The following DAB1 variants were observed in gnomAD, a reference collection of about 807,000 sequenced individuals.
DAB1 encodes the protein disabled homolog 1.
DAB1 carries 15 observed loss-of-function variants against 64.6 expected under a neutral mutation model. The observed-to-expected ratio is 0.23, with a 90% confidence interval of 0.16 to 0.36. The LOEUF (loss-of-function observed/expected upper bound fraction) is 0.36, where lower values mean the gene tolerates loss of function less well. Ranked by LOEUF, DAB1 falls within the 10% of genes least tolerant of loss-of-function variation. The probability of loss-of-function intolerance (pLI) is 1.00; values close to 1 mark genes in which losing one functional copy is unlikely to be tolerated. For synonymous variants in DAB1, 235 were observed against 251.9 expected, an observed-to-expected ratio of 0.93 and a Z score of 0.64; for missense variants, 596 against 706.7, an observed-to-expected ratio of 0.84 and a Z score of 1.78.
intron 1 of DAB1, among the ~76,000 whole-genome samples, chr1:57,383,034 TA>T (rs1558279500): frequency 6.6e-6 from 1 of 151,854 alleles, no homozygotes; most frequent in Non-Finnish European, 1.5e-5. Flanking sequence ...GTATGAGTCC[TA>T]TGAAAAAAAT....
chr1:57,364,779 G>A (rs923086097), intron 1 of DAB1, among the ~76,000 whole-genome samples: 97 of 151,010 alleles, frequency 6.4e-4, no homozygotes, highest in African/African-American at 2.2e-3. Context: ...AAGTTACAAT[G>A]TGATTCCACT....
intron 4 of DAB1, among the ~76,000 whole-genome samples, chr1:58,220,469 T>C (rs1659099833): frequency 6.6e-6 from 1 of 152,148 alleles, no homozygotes; most frequent in African/African-American, 2.4e-5. Context: ...AGACTATTTG[T>C]TTCTTCTGTG....
intron 7 of DAB1, among the ~76,000 whole-genome samples, chr1:57,514,557 T>C (rs1191267615): frequency 6.6e-6 from 1 of 152,254 alleles, no homozygotes; most frequent in Non-Finnish European, 1.5e-5. Context: ...TAAAACAGTG[T>C]CAGGCACATA....
chr1:57,694,805 T>A (rs1646804563), intron 6 of DAB1, among the ~76,000 whole-genome samples: 1 of 152,142 alleles, frequency 6.6e-6, no homozygotes, highest in South Asian at 2.1e-4. Context: ...TTGTTTTATC[T>A]CTGTCCCACC....
At chr1:57,272,390 C>T (rs1671082946) in intron 2 of DAB1, among the ~76,000 whole-genome samples, 1 of 152,226 alleles carries the variant, frequency 6.6e-6, no homozygotes. Flanking sequence ...CAACATTGCA[C>T]ATCCCACTTC....
At chr1:57,010,898 G>A (rs1032432744) in intron 13 of DAB1, 108 bp from the exon 14 acceptor site, 20 of 922,038 alleles carry the variant, frequency 2.2e-5, no homozygotes, top group Admixed American at 2.8e-5. Context: ...TGTAAAGGAG[G>A]GTGCAACGGC....
At chr1:58,235,796 T>C (rs1001292904) in intron 4 of DAB1, among the ~76,000 whole-genome samples, 1 of 152,182 alleles carries the variant, frequency 6.6e-6, no homozygotes, top group Non-Finnish European at 1.5e-5. Flanking sequence ...TTGGTCCTTA[T>C]TCAGGAGACC....
chr1:57,261,577 T>C (rs7529737), intron 2 of DAB1, among the ~76,000 whole-genome samples: 54,701 of 152,020 alleles, frequency 0.36, 10,091 homozygotes, highest in South Asian at 0.49. Flanking sequence ...GGTCTTAGCA[T>C]GAACCAGACC....
At chr1:58,498,241 TA>T (rs56349030) in intron 3 of DAB1, among the ~76,000 whole-genome samples, 2,686 of 143,472 alleles carry the variant, frequency 0.019, 21 homozygotes, top group South Asian at 0.058. Context: ...AACTAAAAGT[TA>T]AAAAAAAAAA....
At chr1:58,178,507 T>C (rs1048065693) in intron 4 of DAB1, among the ~76,000 whole-genome samples, 1 of 151,998 alleles carries the variant, frequency 6.6e-6, no homozygotes, top group African/African-American at 2.4e-5. Flanking sequence ...AATAGAAAAA[T>C]TGTTATAAAG....
At position 57,577,387 on chromosome 1, in the gene DAB1, G is replaced by A. The variant is rs569337610; in HGVS notation, n.625+72205C>T. Among the ~76,000 whole-genome samples, 21 of 149,334 alleles carry A rather than the reference G, an allele frequency of 1.4e-4. No homozygotes were observed. In the South Asian group the frequency reaches 3.1e-3, roughly 22 times the overall value. On this transcript the variant is annotated intron_variant and non_coding_transcript_variant, in intron 7 of 20. Coordinates refer to the DAB1 transcript ENST00000485760. ...TGACAGGCTGGGACCTCTAACCCTC[G>A]TGATCTGGTGTGTGGCTGGAGGCTT... is the stretch of plus-strand genomic sequence containing the variant.
Position 58,225,925 on chromosome 1 carries a change from C to T in DAB1, n.310-75337G>A, listed in dbSNP as rs112791772. Among the ~76,000 whole-genome samples, 726 of 144,392 alleles carry T rather than the reference C, an allele frequency of 5.0e-3. 9 individuals are homozygous for T. The highest frequency in any genetic ancestry group is 0.018 in the African/African-American group (691 of 38,750). 94.7% of individuals were successfully genotyped at this position (144,392 alleles called of 152,430 possible). Reference sequence around the variant, plus strand: ...TGTATACATATGTAACTAACCTGCACGTTGTGCACATGTACCCTAAAACTT... The same window carrying T: ...TGTATACATATGTAACTAACCTGCATGTTGTGCACATGTACCCTAAAACTT... On this transcript the variant is annotated intron_variant and non_coding_transcript_variant, in intron 4 of 20. Transcript: ENST00000485760.
At chr1:58,304,428 T>A (rs2100466384) in intron 4 of DAB1, among the ~76,000 whole-genome samples, 1 of 152,298 alleles carries the variant, frequency 6.6e-6, no homozygotes, top group East Asian at 1.9e-4. Flanking sequence ...GTATATACAC[T>A]AGGTAGAATA....
intron 14 of DAB1, among the ~76,000 whole-genome samples, chr1:56,998,625 G>A (rs1032266465): frequency 2.0e-5 from 3 of 152,188 alleles, no homozygotes; most frequent in African/African-American, 7.2e-5. Flanking sequence ...ATGTCCACTT[G>A]AGAACCCTGA....
chr1:58,348,511 T>A (rs1363471225), intron 3 of DAB1, among the ~76,000 whole-genome samples: 1 of 152,192 alleles, frequency 6.6e-6, no homozygotes, highest in African/African-American at 2.4e-5. Flanking sequence ...CAAATTTGCT[T>A]GTAAAAAGTA....
chr1:57,994,427 G>A (rs1646395356), intron 5 of DAB1, among the ~76,000 whole-genome samples: 1 of 152,198 alleles, frequency 6.6e-6, no homozygotes, highest in Non-Finnish European at 1.5e-5. Context: ...TATGAGCAGA[G>A]AAGTGAGGTC....
intron 6 of DAB1, among the ~76,000 whole-genome samples, chr1:57,695,408 GAAAGA>G (rs1646830785): frequency 5.2e-5 from 6 of 115,424 alleles, no homozygotes; most frequent in African/African-American, 2.0e-4. Context: ...AAGAAAGAAA[GAAAGA>G]AAGAAAGAAA....
chr1:57,601,012 G>GT (rs914783796), intron 7 of DAB1, among the ~76,000 whole-genome samples: 21 of 151,486 alleles, frequency 1.4e-4, no homozygotes, highest in Admixed American at 2.6e-4. Context: ...TAAAAAGAGA[G>GT]TTTTTTTTTA....
intron 7 of DAB1, among the ~76,000 whole-genome samples, chr1:57,613,477 C>A (rs570778727): frequency 3.0e-4 from 46 of 152,190 alleles, no homozygotes; most frequent in Admixed American, 5.2e-4. Context: ...TAGTGTAGTT[C>A]GGTTTCTTCA....
Sources: gnomAD v4.1 joint callset for allele counts (sites outside exome capture counted in the v4.1 genomes callset) on GRCh38, gnomAD v4.1.1 for gene constraint, MANE v1.5 for transcripts, NCBI Gene and HGNC (gene_info 2026-07-23, HGNC 2026-07-21) for gene names.